Variants in PAPPA2 observed in about 807,000 individuals in gnomAD.
PAPPA2 encodes the protein pappalysin-2.
PAPPA2 carries 86 observed loss-of-function variants against 176.4 expected under a neutral mutation model. That is an observed-to-expected ratio of 0.49 (90% CI 0.41 to 0.58). PAPPA2 has a LOEUF of 0.58. Among genes scored for constraint, PAPPA2 ranks in the 20% least tolerant of loss-of-function variants. The probability of loss-of-function intolerance (pLI) is 0.00; values close to 1 mark genes in which losing one functional copy is unlikely to be tolerated. For missense variants in PAPPA2, 2,073 were observed against 2,256.9 expected, an observed-to-expected ratio of 0.92 and a Z score of 1.65; for synonymous variants, 809 against 852.2, an observed-to-expected ratio of 0.95 and a Z score of 0.88.
chr1:176,731,680 T>C (rs892381069), intron 12 of PAPPA2, among the ~76,000 whole-genome samples: 14 of 151,206 alleles, frequency 9.3e-5, no homozygotes, highest in Non-Finnish European at 1.3e-4. Context: ...TATATGTGTA[T>C]ATATACATAT....
chr1:176,783,731 T>G (rs1263241408), intron 17 of PAPPA2, among the ~76,000 whole-genome samples: 1 of 152,184 alleles, frequency 6.6e-6, no homozygotes, highest in Non-Finnish European at 1.5e-5. Context: ...ACTGGATGCT[T>G]AGCAAAGACC....
intron 14 of PAPPA2, among the ~76,000 whole-genome samples, chr1:176,765,176 T>G (rs1424125880): frequency 2.0e-5 from 3 of 152,212 alleles, no homozygotes; most frequent in African/African-American, 2.4e-5. Flanking sequence ...TCTGTCACCT[T>G]AGAAACCTAG....
At chr1:176,834,999 G>T (rs1038240954) in intron 21 of PAPPA2, among the ~76,000 whole-genome samples, 1 of 152,048 alleles carries the variant, frequency 6.6e-6, no homozygotes. Context: ...AGCTATGGGG[G>T]TCCAGAGGAA....
chr1:176,510,345 A>G (rs1056979275), intron 1 of PAPPA2, among the ~76,000 whole-genome samples: 1 of 152,230 alleles, frequency 6.6e-6, no homozygotes, highest in African/African-American at 2.4e-5. Context: ...ACCATCTTTA[A>G]AGTACTGAAA....
rs552375137 is a variant in PAPPA2 at position 176,746,140 on chromosome 1, G to A, written c.4151+5944G>A. ...GACGGGAAAGCACATAGGAATGAAG[G>A]CAAGCCTCTTCATCCTGCAATGTCT... On this transcript the variant is annotated intron_variant, in intron 14 of 22. Coordinates refer to ENST00000367662, the MANE Select transcript of PAPPA2 (RefSeq NM_020318.3). Among the ~76,000 whole-genome samples the A allele has an allele frequency of 2.6e-5, 4 of 152,196 alleles. No homozygotes were observed. In the East Asian group the frequency reaches 7.7e-4, roughly 29 times the overall value.
chr1:176,464,883 A>G (rs1319921210), intron 1 of PAPPA2, among the ~76,000 whole-genome samples: 1 of 152,228 alleles, frequency 6.6e-6, no homozygotes, highest in Non-Finnish European at 1.5e-5. Flanking sequence ...CATAATCCCA[A>G]TATCCATATG....
At chr1:176,830,159 A>G (rs1455404743) in intron 21 of PAPPA2, among the ~76,000 whole-genome samples, 1 of 152,148 alleles carries the variant, frequency 6.6e-6, no homozygotes, top group Non-Finnish European at 1.5e-5. Flanking sequence ...GCTTGAGCCC[A>G]AGGGTTTGAG....
At chr1:176,823,764 C>T (rs1022955507) in intron 21 of PAPPA2, among the ~76,000 whole-genome samples, 1 of 152,220 alleles carries the variant, frequency 6.6e-6, no homozygotes, top group African/African-American at 2.4e-5. Context: ...GATATGGTCA[C>T]ATTCCCTCAG....
At chr1:176,601,653 T>C (rs1043694207) in intron 3 of PAPPA2, among the ~76,000 whole-genome samples, 1 of 152,194 alleles carries the variant, frequency 6.6e-6, no homozygotes, top group East Asian at 1.9e-4. Flanking sequence ...CCCTGAGAGA[T>C]GATCTGCGAG....
chr1:176,557,565 G>C (rs1651400585), intron 2 of PAPPA2, among the ~76,000 whole-genome samples: 1 of 152,154 alleles, frequency 6.6e-6, no homozygotes, highest in African/African-American at 2.4e-5. Context: ...TTTGCCAAAA[G>C]AGAAGGGGTG....
chr1:176,466,577 G>T (rs1293346558), intron 1 of PAPPA2, among the ~76,000 whole-genome samples: 1 of 152,144 alleles, frequency 6.6e-6, no homozygotes, highest in Non-Finnish European at 1.5e-5. Context: ...CAGAAAAGAA[G>T]GAATCTGATG....
chr1:176,528,297 C>A (rs560827864), intron 1 of PAPPA2, among the ~76,000 whole-genome samples: 1 of 152,182 alleles, frequency 6.6e-6, no homozygotes, highest in Non-Finnish European at 1.5e-5. Context: ...CTATGGAGGG[C>A]AGCTCATCCC....
chr1:176,709,411 A>G (rs1041606825), intron 10 of PAPPA2, among the ~76,000 whole-genome samples: 3 of 152,122 alleles, frequency 2.0e-5, no homozygotes, highest in Non-Finnish European at 4.4e-5. Context: ...AAGACTAAAA[A>G]AAAATTAATA....
intron 20 of PAPPA2, among the ~76,000 whole-genome samples, chr1:176,796,596 CTTTCT>C (rs762640523): frequency 3.8e-4 from 49 of 129,244 alleles, no homozygotes; most frequent in African/African-American, 1.2e-3. Context: ...CTTTCTTTCT[CTTTCT>C]TTTCTTTTCT....
chr1:176,657,778 G>A (rs978025725), intron 3 of PAPPA2, among the ~76,000 whole-genome samples: 1 of 151,888 alleles, frequency 6.6e-6, no homozygotes, highest in Non-Finnish European at 1.5e-5. Context: ...ATGTAGATCT[G>A]AGTATCATGT....
chr1:176,578,028 C>G (rs1652752800), intron 2 of PAPPA2, among the ~76,000 whole-genome samples: 1 of 152,120 alleles, frequency 6.6e-6, no homozygotes, highest in South Asian at 2.1e-4. Flanking sequence ...CCCAGAGGTA[C>G]AGAGCAGAAC....
Position 176,695,729 on chromosome 1 carries a change from T to C in PAPPA2, c.2625-9T>C, listed in dbSNP as rs1281132188. On this transcript the variant is annotated splice_polypyrimidine_tract_variant and intron_variant, in intron 6 of 22. Transcript: ENST00000367662. ...CTCATCTCCCATCTCCATCCCTTTA[T>C]CTCCCCAGGGCCTCAGGCAGCTTGT... 1 of 1,613,844 alleles carries C rather than the reference T, an allele frequency of 6.2e-7. No individual in the cohort carries two copies. The highest frequency in any genetic ancestry group is 1.1e-5 in the South Asian group (1 of 91,050).
chr1:176,554,292 G>A (rs1202307309), intron 1 of PAPPA2, among the ~76,000 whole-genome samples: 2 of 152,180 alleles, frequency 1.3e-5, no homozygotes, highest in Non-Finnish European at 2.9e-5. Context: ...TTAGATGTGG[G>A]CAACACAAGC....
intron 1 of PAPPA2, among the ~76,000 whole-genome samples, chr1:176,539,196 G>A (rs1283581022): frequency 6.6e-6 from 1 of 152,222 alleles, no homozygotes; most frequent in Non-Finnish European, 1.5e-5. Context: ...GAGCTTAAAT[G>A]ACTCAGGAGT....
Sources: allele counts gnomAD v4.1 joint callset (sites outside exome capture counted in the v4.1 genomes callset), GRCh38; gene constraint gnomAD v4.1.1; transcripts MANE v1.5; gene names NCBI Gene and HGNC (gene_info 2026-07-23, HGNC 2026-07-21).